Variants in CNTNAP2 observed in about 807,000 individuals in gnomAD.
The protein encoded by CNTNAP2 is contactin associated protein 2.
A neutral mutation model predicts 155.2 loss-of-function variants in CNTNAP2; 98 were observed. The ratio of observed to expected loss-of-function variants is 0.63; its 90% CI spans 0.54 to 0.75. CNTNAP2 has a LOEUF of 0.75. CNTNAP2 is among the 30% of genes least tolerant of loss of function. The pLI is 0.00. For missense variants in CNTNAP2, 1,727 were observed against 1,688.1 expected, an observed-to-expected ratio of 1.02 and a Z score of -0.40; for synonymous variants, 651 against 631.2, an observed-to-expected ratio of 1.03 and a Z score of -0.47.
chr7:146,926,536 G>C (rs1294919386), intron 3 of CNTNAP2, among the ~76,000 whole-genome samples: 1 of 152,096 alleles, frequency 6.6e-6, no homozygotes, highest in Non-Finnish European at 1.5e-5. Flanking sequence ...ATAAGTAGTT[G>C]TGGAATGAAT....
intron 11 of CNTNAP2, among the ~76,000 whole-genome samples, chr7:147,550,866 A>G (rs1355705592): frequency 2.6e-5 from 4 of 152,246 alleles, no homozygotes; most frequent in Non-Finnish European, 5.9e-5. Flanking sequence ...ACATATAGAT[A>G]TAGTATATAC....
intron 4 of CNTNAP2, among the ~76,000 whole-genome samples, chr7:147,063,188 C>CT (rs1196768652): frequency 6.6e-6 from 1 of 152,192 alleles, no homozygotes; most frequent in Non-Finnish European, 1.5e-5. Context: ...GCCCCATGCT[C>CT]TTCCACTATA....
At chr7:146,308,202 A>C (rs1025856929) in intron 1 of CNTNAP2, among the ~76,000 whole-genome samples, 1 of 152,232 alleles carries the variant, frequency 6.6e-6, no homozygotes, top group Non-Finnish European at 1.5e-5. Context: ...GAAGACATTT[A>C]TGCAGCCAAC....
At chr7:147,583,329 G>T (rs140374341) in intron 12 of CNTNAP2, among the ~76,000 whole-genome samples, 1 of 151,758 alleles carries the variant, frequency 6.6e-6, no homozygotes, top group Non-Finnish European at 1.5e-5. Context: ...GGCTAAGCCT[G>T]TTTGTTGCAT....
At chr7:147,842,402 T>A (rs947772965) in intron 13 of CNTNAP2, among the ~76,000 whole-genome samples, 11 of 152,234 alleles carry the variant, frequency 7.2e-5, no homozygotes, top group Admixed American at 2.0e-4. Context: ...CCACATATTC[T>A]ATGTTAATAA....
At chr7:148,000,340 A>G (rs1396774473) in intron 15 of CNTNAP2, among the ~76,000 whole-genome samples, 1 of 152,146 alleles carries the variant, frequency 6.6e-6, no homozygotes, top group Admixed American at 6.5e-5. Context: ...CCCCGGGATG[A>G]TGTTGACAGC....
intron 1 of CNTNAP2, among the ~76,000 whole-genome samples, chr7:146,252,414 A>T (rs1034463229): frequency 6.6e-6 from 1 of 152,306 alleles, no homozygotes; most frequent in East Asian, 1.9e-4. Context: ...CTCTCTGGAA[A>T]GTCGCTCCTC....
At chr7:146,263,607 T>C (rs943770743) in intron 1 of CNTNAP2, among the ~76,000 whole-genome samples, 15 of 152,224 alleles carry the variant, frequency 9.9e-5, no homozygotes, top group Non-Finnish European at 1.9e-4. Flanking sequence ...AATTTACCTC[T>C]TGTAGCTTCC....
At chr7:146,897,548 G>A (rs116933770) in intron 3 of CNTNAP2, among the ~76,000 whole-genome samples, 2,771 of 151,980 alleles carry the variant, frequency 0.018, 50 homozygotes, top group East Asian at 0.047. Context: ...TACAGAAACT[G>A]GATTTTATAC....
intron 1 of CNTNAP2, among the ~76,000 whole-genome samples, chr7:146,264,142 G>GT (rs541819746): frequency 1.9e-4 from 29 of 152,122 alleles, no homozygotes; most frequent in African/African-American, 6.3e-4. Flanking sequence ...ACATTGCCCT[G>GT]TAGAAAAGCA....
intron 1 of CNTNAP2, among the ~76,000 whole-genome samples, chr7:146,625,005 CATAGATTAAGATTAA>C (rs1236885678): frequency 1.3e-5 from 2 of 151,924 alleles, no homozygotes; most frequent in Non-Finnish European, 2.9e-5. Flanking sequence ...CAACAAACAG[CATAGATTAAGATTAA>C]ATAGATATAC....
intron 12 of CNTNAP2, among the ~76,000 whole-genome samples, chr7:147,623,700 G>A (rs1794912123): frequency 6.6e-6 from 1 of 151,746 alleles, no homozygotes; most frequent in African/African-American, 2.4e-5. Context: ...TAGATTCAGT[G>A]TAATTCCTAT....
chr7:146,264,949 G>T (rs1216897652), intron 1 of CNTNAP2, among the ~76,000 whole-genome samples: 1 of 152,166 alleles, frequency 6.6e-6, no homozygotes, highest in East Asian at 1.9e-4. Context: ...GAATCTGAAT[G>T]AGTAACCACA....
rs368564701 is a variant in CNTNAP2, at chr7:147,818,500, C to T, written c.2099-85065C>T. Among the ~76,000 whole-genome samples, 33 of 152,130 alleles carry T rather than the reference C, an allele frequency of 2.2e-4. 1 individual carries two copies. Among genetic ancestry groups the T allele is most frequent in the African/African-American group, 6.3e-4 (26 of 41,526 alleles). On this transcript the variant is annotated intron_variant, in intron 13 of 23. Transcript: ENST00000361727. Reference sequence around the variant, plus strand: ...GTAATGAGTGCCAAGTGATGGATGCCCCGTGCACTCACGATTGCTAGATCT... The same window carrying T: ...GTAATGAGTGCCAAGTGATGGATGCTCCGTGCACTCACGATTGCTAGATCT...
chr7:148,363,107 G>A (rs768720464), intron 21 of CNTNAP2, among the ~76,000 whole-genome samples: 5 of 151,948 alleles, frequency 3.3e-5, no homozygotes, highest in Non-Finnish European at 7.4e-5. Flanking sequence ...TCAGCCTCCC[G>A]AGTAGCTGGG....
intron 1 of CNTNAP2, among the ~76,000 whole-genome samples, chr7:146,234,909 G>A (rs1347174974): frequency 6.6e-6 from 1 of 152,098 alleles, no homozygotes; most frequent in African/African-American, 2.4e-5. Flanking sequence ...TTCCTATTTG[G>A]CATGTCTGTG....
intron 1 of CNTNAP2, among the ~76,000 whole-genome samples, chr7:146,256,873 T>G (rs112121608): frequency 0.041 from 6,309 of 152,236 alleles, 401 homozygotes; most frequent in African/African-American, 0.14. Context: ...GAGGTTTTTA[T>G]TTTTTCCCTA....
chr7:147,604,606 G>A (rs1477688425), intron 12 of CNTNAP2, among the ~76,000 whole-genome samples: 1 of 152,120 alleles, frequency 6.6e-6, no homozygotes, highest in Non-Finnish European at 1.5e-5. Context: ...TCTTCATTTG[G>A]AATAGGAAGC....
chr7:147,309,267 C>T (rs1795082419), intron 9 of CNTNAP2, among the ~76,000 whole-genome samples: 1 of 152,076 alleles, frequency 6.6e-6, no homozygotes, highest in African/African-American at 2.4e-5. Context: ...GTGTAATATG[C>T]CTCTCTTTGA....
Sources: gnomAD v4.1 joint callset for allele counts (sites outside exome capture counted in the v4.1 genomes callset) on GRCh38, gnomAD v4.1.1 for gene constraint, MANE v1.5 for transcripts, NCBI Gene and HGNC (gene_info 2026-07-23, HGNC 2026-07-21) for gene names.